The following CCDC125 variants were observed in gnomAD, a reference collection of about 807,000 sequenced individuals.
The protein encoded by CCDC125 is coiled-coil domain-containing protein 125.
In CCDC125, 43 loss-of-function variants were observed where a neutral mutation model predicts 57.4. That is an observed-to-expected ratio of 0.75 (90% CI 0.59 to 0.97). The LOEUF (loss-of-function observed/expected upper bound fraction) is 0.97, where lower values mean the gene tolerates loss of function less well. Among genes scored for constraint, CCDC125 ranks in the 50% least tolerant of loss-of-function variants. CCDC125 has a pLI of 0.00. For synonymous variants in CCDC125, 187 were observed against 195.2 expected (o/e 0.96, Z 0.35); for missense variants, 563 against 595.7 (o/e 0.95, Z 0.57).
At chr5:69,328,721 T>A (rs573553436) in intron 1 of CCDC125, among the ~76,000 whole-genome samples, 6 of 152,164 alleles carry the variant, frequency 3.9e-5, no homozygotes, top group Non-Finnish European at 2.9e-5. Context: ...TCTAAGAATA[T>A]CTACAGCTGA....
At chr5:69,300,919 T>A (rs1756311361) in intron 7 of CCDC125, among the ~76,000 whole-genome samples, 1 of 151,464 alleles carries the variant, frequency 6.6e-6, no homozygotes, top group Non-Finnish European at 1.5e-5. Context: ...AGAGACAGAG[T>A]CTTGCTCTGT....
At chr5:69,287,356 C>T (rs1479862408) in intron 10 of CCDC125, among the ~76,000 whole-genome samples, 2 of 151,784 alleles carry the variant, frequency 1.3e-5, no homozygotes, top group Admixed American at 6.6e-5. Context: ...CTCTGCCTCC[C>T]GGGTTCAAAC....
At chr5:69,294,629 AAACAAAATCCAG>A (rs1478969600) in intron 9 of CCDC125, among the ~76,000 whole-genome samples, 152 bp downstream of exon 9, 3 of 152,234 alleles carry the variant, frequency 2.0e-5, no homozygotes. Flanking sequence ...GGAACCAGGT[AAACAAAATCCAG>A]TTGATAAGTT....
intron 10 of CCDC125, among the ~76,000 whole-genome samples, chr5:69,288,763 C>T (rs1006686507): frequency 2.0e-5 from 3 of 152,174 alleles, no homozygotes; most frequent in Non-Finnish European, 4.4e-5. Context: ...TGCAGGCCAT[C>T]TTGTGGGACT....
At chr5:69,294,243 T>C (rs73129066) in intron 9 of CCDC125, 9,212 of 487,546 alleles carry the variant, frequency 0.019, 831 homozygotes, top group African/African-American at 0.18. Context: ...CATATAAATT[T>C]TAGGAATATT....
intron 1 of CCDC125, among the ~76,000 whole-genome samples, chr5:69,324,205 T>C (rs1760443924): frequency 6.6e-6 from 1 of 152,134 alleles, no homozygotes; most frequent in Admixed American, 6.6e-5. Context: ...TAAAAACAAA[T>C]ACCCTTAAAA....
At chr5:69,313,247 G>C in intron 3 of CCDC125, 1 of 521,278 alleles carries the variant, frequency 1.9e-6, no homozygotes, top group Non-Finnish European at 3.5e-6. Flanking sequence ...CTGGGGTGAA[G>C]GGATTGCCCT....
intron 10 of CCDC125, among the ~76,000 whole-genome samples, chr5:69,286,283 G>C (rs1288557918): frequency 1.1e-4 from 16 of 140,006 alleles, no homozygotes; most frequent in African/African-American, 3.7e-4. Flanking sequence ...CCAGGCTGGA[G>C]TGCAGTGGCG....
chr5:69,279,401 T>G (rs192335840), downstream of CCDC125, among the ~76,000 whole-genome samples: 1,825 of 152,236 alleles, frequency 0.012, 31 homozygotes, highest in Non-Finnish European at 0.013. Context: ...TTTCACTGTG[T>G]TAGCCAGGAT....
At position 69,294,789 on chromosome 5, in the gene CCDC125, A is replaced by G. The variant is rs778837865; in HGVS notation, c.924+4T>C. The G allele has an allele frequency of 5.0e-6, 8 of 1,605,234 alleles. No homozygotes were observed. Among genetic ancestry groups the G allele is most frequent in the South Asian group, 1.1e-5 (1 of 90,694 alleles). On this transcript the variant is annotated splice_donor_region_variant and intron_variant, in intron 9 of 11. Transcript: ENST00000396496. The stretch of plus-strand genomic sequence containing the variant: ...AAGCTTTTGCTGTTGTGATAACGCA[A>G]TACCTCTTGTTTGAGCTGAAGAAGC...
intron 1 of CCDC125, among the ~76,000 whole-genome samples, chr5:69,321,173 T>G (rs1759963272): frequency 1.3e-5 from 2 of 152,158 alleles, no homozygotes; most frequent in African/African-American, 4.8e-5. Flanking sequence ...AGAATAAAAT[T>G]CAAATATTCT....
the CCDC125 span, among the ~76,000 whole-genome samples, chr5:69,275,009 A>C: frequency 6.7e-6 from 1 of 149,794 alleles, no homozygotes; most frequent in African/African-American, 2.5e-5. Context: ...GGTTGCAGTG[A>C]GCCAAGATTG....
At chr5:69,313,267 G>T in intron 3 of CCDC125, 1 of 562,160 alleles carries the variant, frequency 1.8e-6, no homozygotes. Flanking sequence ...TTCCCCTGCT[G>T]GGATTCCCCC....
At position 69,307,630 on chromosome 5, in the gene CCDC125, A is replaced by T. The variant is rs1757533978; in HGVS notation, c.531+321T>A. ...CCGGGAGGCAGAGCTCGCAGTGAGT[A>T]GAGATCGCGCCACTGCACTCCAGCC... On this transcript the variant is annotated intron_variant, in intron 5 of 11. Coordinates refer to ENST00000396496, the MANE Select transcript of CCDC125 (RefSeq NM_176816.5). 1.7e-5 allele frequency: 4 copies of T among 235,208 alleles called. No homozygotes were observed. In the South Asian group the frequency reaches 2.7e-4, roughly 16 times the overall value. The allele number at this position is 235,208 out of a possible 1,614,324, so 14.6% of individuals were successfully genotyped here.
chr5:69,282,115 C>T lies in CCDC125; in HGVS notation c.*614G>A, dbSNP rs1443647991. 6.6e-6 allele frequency: 1 copy of T among 152,024 alleles called. No individual in the cohort carries two copies. The highest frequency in any genetic ancestry group is 1.5e-5 in the Non-Finnish European group (1 of 68,030). 9.4% of individuals were successfully genotyped at this position (152,024 alleles called of 1,614,324 possible). On this transcript the variant is annotated 3_prime_UTR_variant, in exon 12 of 12. Coordinates refer to ENST00000396496, the MANE Select transcript of CCDC125 (RefSeq NM_176816.5). ...CCATGTTGGTCAGACTGGTCTTGAACTCCAGCCTCAGGTGACCCACCCACC... is the reference window on the plus strand; with the variant it reads ...CCATGTTGGTCAGACTGGTCTTGAATTCCAGCCTCAGGTGACCCACCCACC...
chr5:69,292,984 G>A (rs1226235329), intron 9 of CCDC125, among the ~76,000 whole-genome samples: 1 of 151,678 alleles, frequency 6.6e-6, no homozygotes, highest in Non-Finnish European at 1.5e-5. Flanking sequence ...GGGACTATAG[G>A]CGCATGTTGC....
chr5:69,294,029 C>T, intron 9 of CCDC125: 1 of 410,642 alleles, frequency 2.4e-6, no homozygotes, highest in Non-Finnish European at 3.3e-6. Context: ...CGTCCAAAGC[C>T]ACACAGCTAG....
At chr5:69,288,255 T>G (rs1311011677) in intron 10 of CCDC125, among the ~76,000 whole-genome samples, 3 of 152,142 alleles carry the variant, frequency 2.0e-5, no homozygotes, top group Admixed American at 2.0e-4. Context: ...GATGGGCTCC[T>G]GGATAGCCTC....
rs1752428703 is a variant in CCDC125 at position 69,280,821 on chromosome 5, G to A, written c.*1908C>T. The A allele has an allele frequency of 6.6e-6, 1 of 152,404 alleles. No individual in the cohort carries two copies. Among genetic ancestry groups the A allele is most frequent in the Non-Finnish European group, 1.5e-5 (1 of 68,248 alleles). The allele number at this position is 152,404 out of a possible 1,614,324, so 9.4% of individuals were successfully genotyped here. A position where few individuals can be genotyped will look rare whatever the true frequency, so the allele number is the denominator to read the frequency against. On this transcript the variant is annotated 3_prime_UTR_variant, in exon 12 of 12. Coordinates refer to ENST00000396496, the MANE Select transcript of CCDC125 (RefSeq NM_176816.5). ...TGTATTGATAGCCTTTTCTTTTGGA[G>A]ATGGGGGTCTCACTCTGTCACTCAG...
Sources: gnomAD v4.1 joint callset for allele counts (sites outside exome capture counted in the v4.1 genomes callset) on GRCh38, gnomAD v4.1.1 for gene constraint, MANE v1.5 for transcripts, NCBI Gene and HGNC (gene_info 2026-07-23, HGNC 2026-07-21) for gene names.